Variants in ARHGAP17 observed in about 807,000 individuals in gnomAD.
ARHGAP17 encodes the protein Rho GTPase activating protein 17.
A neutral mutation model predicts 99.5 loss-of-function variants in ARHGAP17; 57 were observed. The ratio of observed to expected loss-of-function variants is 0.57; its 90% confidence interval spans 0.46 to 0.71. The LOEUF (loss-of-function observed/expected upper bound fraction) is 0.71. Ranked by LOEUF, ARHGAP17 falls within the 30% of genes least tolerant of loss-of-function variation. The pLI, the probability that ARHGAP17 is intolerant of heterozygous loss-of-function variation, is 0.00. For synonymous variants in ARHGAP17, 417 were observed against 429.6 expected, an observed-to-expected ratio of 0.97 and a Z score of 0.36; for missense variants, 1,000 against 1,122.4, an observed-to-expected ratio of 0.89 and a Z score of 1.56.
At chr16:25,004,933 GA>G (rs1297828690) in intron 1 of ARHGAP17, among the ~76,000 whole-genome samples, 1 of 152,226 alleles carries the variant, frequency 6.6e-6, no homozygotes, top group Non-Finnish European at 1.5e-5. Context: ...GTTTGTTTTT[GA>G]GATGGAGTCT....
At chr16:24,946,757 C>A (rs989244691) in intron 14 of ARHGAP17, among the ~76,000 whole-genome samples, 1 of 152,138 alleles carries the variant, frequency 6.6e-6, no homozygotes, top group African/African-American at 2.4e-5. Flanking sequence ...CCTTGCTGAA[C>A]GAATCCTTAT....
intron 1 of ARHGAP17, among the ~76,000 whole-genome samples, chr16:24,981,809 T>C (rs1303981003): frequency 6.6e-6 from 1 of 152,122 alleles, no homozygotes; most frequent in Non-Finnish European, 1.5e-5. Flanking sequence ...ACTTAAAGAA[T>C]TGGTCCAATG....
At chr16:24,938,598 C>A (rs555480095) in intron 17 of ARHGAP17, among the ~76,000 whole-genome samples, 1 of 151,790 alleles carries the variant, frequency 6.6e-6, no homozygotes, top group African/African-American at 2.4e-5. Flanking sequence ...TCTATGTTTA[C>A]CCCATCTTTA....
intron 17 of ARHGAP17, chr16:24,936,518 C>T (rs928930070): frequency 6.6e-6 from 1 of 151,550 alleles, no homozygotes. Flanking sequence ...CCAGCCTGGC[C>T]AACAAGGTGA....
chr16:24,950,836 C>CAAACAAAAAAAAAAAAAAAAAAAAAA (rs1386246671), intron 12 of ARHGAP17, among the ~76,000 whole-genome samples: 2 of 39,444 alleles, frequency 5.1e-5, no homozygotes, highest in African/African-American at 2.1e-4. Context: ...GACTCCAACT[C>CAAACAAAAAAAAAAAAAAAAAAAAAA]AAAAAAAAAA....
At chr16:24,985,173 A>G (rs1027486497) in intron 1 of ARHGAP17, among the ~76,000 whole-genome samples, 2 of 145,176 alleles carry the variant, frequency 1.4e-5, no homozygotes, top group Non-Finnish European at 1.5e-5. Flanking sequence ...GCTACTGACT[A>G]TCCTAAATGC....
chr16:24,954,447 A>T (rs1484179515), intron 10 of ARHGAP17, among the ~76,000 whole-genome samples, 156 bp downstream of exon 10: 3 of 152,246 alleles, frequency 2.0e-5, no homozygotes, highest in Non-Finnish European at 4.4e-5. Flanking sequence ...AATATGGATC[A>T]TGGTGACAAA....
intron 1 of ARHGAP17, among the ~76,000 whole-genome samples, chr16:25,007,322 G>A (rs1829560897): frequency 6.6e-6 from 1 of 152,158 alleles, no homozygotes; most frequent in South Asian, 2.1e-4. Flanking sequence ...TAAAGCAAAT[G>A]CACCCATCCA....
intron 1 of ARHGAP17, among the ~76,000 whole-genome samples, chr16:24,998,529 C>T (rs1355363811): frequency 1.3e-5 from 2 of 152,124 alleles, no homozygotes; most frequent in Non-Finnish European, 2.9e-5. Flanking sequence ...GGCAGGTCAT[C>T]CAAGGAGAGA....
At chr16:24,949,306 G>GT (rs1345182126) in intron 13 of ARHGAP17, 98 bp downstream of exon 13, 2 of 897,808 alleles carry the variant, frequency 2.2e-6, no homozygotes, top group Admixed American at 5.7e-5. Context: ...TGTTGTTGTT[G>GT]TTTTTTAATG....
At chr16:24,990,227 G>A (rs866141922) in intron 1 of ARHGAP17, among the ~76,000 whole-genome samples, 1 of 152,210 alleles carries the variant, frequency 6.6e-6, no homozygotes, top group African/African-American at 2.4e-5. Flanking sequence ...GCTCATGCCT[G>A]TAATCCCGGC....
chr16:24,961,022 C>G (rs1479997235), intron 7 of ARHGAP17, among the ~76,000 whole-genome samples: 1 of 151,990 alleles, frequency 6.6e-6, no homozygotes, highest in Non-Finnish European at 1.5e-5. Flanking sequence ...CAGGCGTGTG[C>G]CACCACACTT....
chr16:24,953,447 G>C (rs1001359167), intron 10 of ARHGAP17, among the ~76,000 whole-genome samples: 2 of 152,150 alleles, frequency 1.3e-5, no homozygotes, highest in Non-Finnish European at 2.9e-5. Context: ...CTGGATCATG[G>C]GGGTGGATTT....
chr16:24,993,159 A>G (rs550470404), intron 1 of ARHGAP17, among the ~76,000 whole-genome samples: 131 of 152,288 alleles, frequency 8.6e-4, no homozygotes, highest in African/African-American at 3.1e-3. Flanking sequence ...CCAAATTTCC[A>G]ATACTAAAAT....
intron 9 of ARHGAP17, among the ~76,000 whole-genome samples, chr16:24,957,991 G>A (rs1203929000): frequency 1.3e-5 from 2 of 152,168 alleles, no homozygotes; most frequent in East Asian, 3.8e-4. Context: ...ACAGAACTAA[G>A]ATGAAAGGCA....
chr16:24,929,947 C>T (rs2050938494), intron 19 of ARHGAP17, among the ~76,000 whole-genome samples: 1 of 152,142 alleles, frequency 6.6e-6, no homozygotes, highest in Admixed American at 6.5e-5. Context: ...ACAATTTAAA[C>T]TAGGCTGCTG....
chr16:24,979,025 T>A lies in ARHGAP17; in HGVS notation c.54-20A>T, dbSNP rs202185517. The A allele has an allele frequency of 6.0e-4, 936 of 1,563,594 alleles. No individual in the cohort carries two copies. The highest frequency in any genetic ancestry group is 7.3e-4 in the Non-Finnish European group (840 of 1,152,406). On this transcript the variant is annotated intron_variant, in intron 1 of 19. Coordinates refer to ENST00000289968, the MANE Select transcript of ARHGAP17 (RefSeq NM_001006634.3). ...TCAGCTCTGTGGGAAAAATTAAAAA[T>A]TCAGAGTTAGAAATCCAAAAATGAA...
intron 4 of ARHGAP17, among the ~76,000 whole-genome samples, 200 bp downstream of exon 4, chr16:24,970,307 C>T (rs2052323348): frequency 2.0e-5 from 3 of 152,212 alleles, no homozygotes; most frequent in Admixed American, 2.0e-4. Context: ...TCCAGCCTGA[C>T]ACCTACTAAA....
chr16:24,922,389 T>C (rs1292234586), intron 19 of ARHGAP17, among the ~76,000 whole-genome samples: 2 of 152,190 alleles, frequency 1.3e-5, no homozygotes, highest in East Asian at 1.9e-4. Flanking sequence ...TTCTTATACA[T>C]CACATATACA....
Sources: allele counts gnomAD v4.1 joint callset (sites outside exome capture counted in the v4.1 genomes callset), GRCh38; gene constraint gnomAD v4.1.1; transcripts MANE v1.5; gene names NCBI Gene and HGNC (gene_info 2026-07-23, HGNC 2026-07-21).